ANK1: variants seen among roughly 807,000 people sequenced by gnomAD.
The protein encoded by ANK1 is ankyrin-1.
A neutral mutation model predicts 210.4 loss-of-function variants in ANK1; 51 were observed. The ratio of observed to expected loss-of-function variants is 0.24; its 90% CI spans 0.19 to 0.31. The LOEUF (loss-of-function observed/expected upper bound fraction) is 0.31. Among genes scored for constraint, ANK1 ranks in the 10% least tolerant of loss-of-function variants. The pLI is 1.00. For missense variants in ANK1, 2,051 were observed against 2,504.4 expected, an observed-to-expected ratio of 0.82 and a Z score of 3.86; for synonymous variants, 967 against 1,025.9, an observed-to-expected ratio of 0.94 and a Z score of 1.10.
chr8:41,686,425 G>A lies in ANK1; in HGVS notation c.4259-142C>T, dbSNP rs375365481. On this transcript the variant is annotated intron_variant, in intron 35 of 42. Coordinates refer to ENST00000289734, the MANE Select transcript of ANK1 (RefSeq NM_000037.4). The stretch of plus-strand genomic sequence containing the variant: ...GAGCTCTGAGGCAGCCTCCCTGTGG[G>A]TTTGGTCTTCCTTCTTATCAAGAAA... 125 of 1,023,012 alleles carry A rather than the reference G, an allele frequency of 1.2e-4. No individual in the cohort carries two copies. The African/African-American group carries it at 1.6e-3, about 13-fold the overall frequency. The allele number at this position is 1,023,012 out of a possible 1,614,324, so 63.4% of individuals were successfully genotyped here.
In ANK1 at chr8:41,725,896, G is replaced by T; in HGVS notation, c.477C>A (p.Val159=). The T allele has an allele frequency of 6.2e-7, 1 of 1,613,622 alleles. No individual in the cohort carries two copies. Among genetic ancestry groups the T allele is most frequent in the South Asian group, 1.1e-5 (1 of 91,020 alleles). Residue 159 remains valine (V), a synonymous_variant, in exon 6 of 43, where the codon GTC becomes GTA. Transcript: ENST00000289734. ...AVALQQGHEN[V]VAHLINYGTK... is the part of the protein sequence containing the mutation. ...TGCCGTAGTTGATGAGGTGCGCGAC[G>T]ACGTTCTCATGGCCCTGCTGCAGGG...
chr8:41,660,212 T>C (rs1392818790), intron 42 of ANK1, among the ~76,000 whole-genome samples: 1 of 152,136 alleles, frequency 6.6e-6, no homozygotes, highest in East Asian at 1.9e-4. Context: ...TAACTGGATC[T>C]GCCAGTCCTC....
At chr8:41,870,822 C>G (rs1388739767) in intron 1 of ANK1, among the ~76,000 whole-genome samples, 1 of 152,214 alleles carries the variant, frequency 6.6e-6, no homozygotes, top group Non-Finnish European at 1.5e-5. Context: ...CCGCTTGGCA[C>G]AGGAGCATGT....
intron 1 of ANK1, among the ~76,000 whole-genome samples, chr8:41,817,115 C>G (rs1429170845): frequency 6.6e-6 from 1 of 151,236 alleles, no homozygotes; most frequent in Non-Finnish European, 1.5e-5. Flanking sequence ...TCTTTTTAAC[C>G]TGAGAATCAT....
chr8:41,703,545 G>A (rs558437128), intron 20 of ANK1, among the ~76,000 whole-genome samples: 3 of 149,054 alleles, frequency 2.0e-5, no homozygotes, highest in South Asian at 2.1e-4. Context: ...CTGCAGTGGC[G>A]CAATCACAGC....
At chr8:41,786,477 T>A (rs1464303729) in intron 1 of ANK1, among the ~76,000 whole-genome samples, 1 of 152,260 alleles carries the variant, frequency 6.6e-6, no homozygotes, top group Non-Finnish European at 1.5e-5. Flanking sequence ...CCCCAGCCAC[T>A]GCTGGCTCTG....
rs373273199 is a variant in ANK1 at position 41,780,540 on chromosome 8, C to T, written c.27+16972G>A. 1.7e-3 allele frequency among the ~76,000 whole-genome samples: 265 copies of T among 151,698 alleles called. 1 individual carries two copies. Among genetic ancestry groups the T allele is most frequent in the African/African-American group, 5.7e-3 (238 of 41,546 alleles). ...GTGCAGAGGGGAGGGGACGCTTCTC[C>T]CTCAGTAGATTCTTCCTTCCTAAAT... On this transcript the variant is annotated intron_variant, in intron 1 of 42. Coordinates refer to ENST00000289734, the MANE Select transcript of ANK1 (RefSeq NM_000037.4).
At chr8:41,725,998 C>A in intron 5 of ANK1, 52 bp from the exon 6 acceptor site, 2 of 1,587,656 alleles carry the variant, frequency 1.3e-6, no homozygotes, top group Non-Finnish European at 8.6e-7. Context: ...GCCAGCCGCC[C>A]TTCACACGGG....
At chr8:41,795,760 G>C (rs1848624987) in intron 1 of ANK1, among the ~76,000 whole-genome samples, 1 of 152,008 alleles carries the variant, frequency 6.6e-6, no homozygotes, top group African/African-American at 2.4e-5. Context: ...AAGGGTGGGT[G>C]GGGGGCAAGA....
chr8:41,744,536 C>CTT (rs3063769), intron 2 of ANK1, among the ~76,000 whole-genome samples: 3,241 of 125,414 alleles, frequency 0.026, 117 homozygotes, highest in African/African-American at 0.071. Context: ...GATTTCTTTT[C>CTT]TTTTTTTTTT....
chr8:41,785,528 C>T (rs1161610546), intron 1 of ANK1, among the ~76,000 whole-genome samples: 2 of 152,156 alleles, frequency 1.3e-5, no homozygotes, highest in Non-Finnish European at 2.9e-5. Context: ...TTATCTGTAG[C>T]CTGTAGTGAC....
intron 42 of ANK1, among the ~76,000 whole-genome samples, chr8:41,657,356 G>A (rs1224782236): frequency 6.6e-6 from 1 of 152,124 alleles, no homozygotes; most frequent in African/African-American, 2.4e-5. Context: ...TGTAAAATGA[G>A]GGCAGTAATA....
chr8:41,866,466 T>G (rs1814482367), intron 1 of ANK1, among the ~76,000 whole-genome samples: 1 of 152,234 alleles, frequency 6.6e-6, no homozygotes, highest in Admixed American at 6.5e-5. Flanking sequence ...AGTGCTGAGA[T>G]GACAGGCGTG....
At chr8:41,896,549 C>T in exon 1 of ANK1, 1 of 1,519,324 alleles carries the variant, frequency 6.6e-7, no homozygotes, top group Non-Finnish European at 8.8e-7. Flanking sequence ...AGGCGACACC[C>T]CCTAAGAAGG....
intron 1 of ANK1, among the ~76,000 whole-genome samples, chr8:41,811,491 T>A (rs1395548741): frequency 1.3e-5 from 2 of 151,994 alleles, no homozygotes; most frequent in East Asian, 1.9e-4. Context: ...GACTCCCACC[T>A]TCCGCTTCCA....
intron 1 of ANK1, among the ~76,000 whole-genome samples, chr8:41,760,148 G>A (rs928080104): frequency 6.6e-6 from 1 of 152,188 alleles, no homozygotes; most frequent in Admixed American, 6.5e-5. Context: ...GAGAGGGTGA[G>A]AGCTGAGGAC....
chr8:41,659,991 T>C (rs1432752188), intron 42 of ANK1, among the ~76,000 whole-genome samples: 1 of 152,186 alleles, frequency 6.6e-6, no homozygotes, highest in East Asian at 1.9e-4. Flanking sequence ...CAGCCGCCAC[T>C]GCTACCATAA....
At chr8:41,690,677 C>A in intron 31 of ANK1, 78 bp from the exon 32 acceptor site, 1 of 1,561,162 alleles carries the variant, frequency 6.4e-7, no homozygotes, top group Non-Finnish European at 8.7e-7. Flanking sequence ...TTCGGTCCTT[C>A]CCTCTCCAAG....
chr8:41,867,834 C>T (rs1185042525), intron 1 of ANK1, among the ~76,000 whole-genome samples: 2 of 151,878 alleles, frequency 1.3e-5, no homozygotes, highest in Non-Finnish European at 1.5e-5. Flanking sequence ...TATTTTTGCA[C>T]AGTTAAATAA....
Sources: gnomAD v4.1 joint callset for allele counts (sites outside exome capture counted in the v4.1 genomes callset) on GRCh38, gnomAD v4.1.1 for gene constraint, MANE v1.5 for transcripts, NCBI Gene and HGNC (gene_info 2026-07-23, HGNC 2026-07-21) for gene names.